The following SRGN variants were observed in gnomAD, a reference collection of about 807,000 sequenced individuals.
The protein encoded by SRGN is hematopoetic proteoglycan core peptide.
A neutral mutation model predicts 9.5 loss-of-function variants in SRGN; 2 were observed. The ratio of observed to expected loss-of-function variants is 0.21; its 90% CI spans 0.09 to 0.66. SRGN has a LOEUF of 0.66. Ranked by LOEUF, SRGN falls within the 30% of genes least tolerant of loss-of-function variation. The pLI, the probability that SRGN is intolerant of heterozygous loss-of-function variation, is 0.83. For missense variants in SRGN, 170 were observed against 192.4 expected (o/e 0.88, Z 0.69); for synonymous variants, 59 against 72.3 (o/e 0.82, Z 0.93).
At chr10:69,099,041 A>G (rs1484772308) in intron 2 of SRGN, among the ~76,000 whole-genome samples, 1 of 152,190 alleles carries the variant, frequency 6.6e-6, no homozygotes, top group Non-Finnish European at 1.5e-5. Flanking sequence ...TTTTGATCAC[A>G]TAAAACTTGC....
chr10:69,101,909 C>T (rs1019207466), intron 2 of SRGN, among the ~76,000 whole-genome samples: 3 of 152,014 alleles, frequency 2.0e-5, no homozygotes, highest in Admixed American at 6.6e-5. Flanking sequence ...ATTAGCCGGG[C>T]GTTGTGACTC....
intron 2 of SRGN, among the ~76,000 whole-genome samples, chr10:69,102,266 A>T (rs1362526734): frequency 2.0e-5 from 3 of 152,130 alleles, no homozygotes. Context: ...TTTAACTACC[A>T]AATCTGTGAT....
intron 2 of SRGN, 119 bp from the exon 3 acceptor site, chr10:69,103,752 C>G (rs1840335632): frequency 2.7e-6 from 3 of 1,120,358 alleles, no homozygotes; most frequent in Non-Finnish European, 3.7e-6. Context: ...TTTTAAATCT[C>G]TTAATTTGAG....
chr10:69,088,844 A>C (rs1839993116), intron 1 of SRGN, among the ~76,000 whole-genome samples: 1 of 152,218 alleles, frequency 6.6e-6, no homozygotes, highest in South Asian at 2.1e-4. Flanking sequence ...TCTTGCTCAG[A>C]GAAGCATCAT....
At chr10:69,101,629 A>T (rs577618376) in intron 2 of SRGN, among the ~76,000 whole-genome samples, 3 of 152,172 alleles carry the variant, frequency 2.0e-5, no homozygotes, top group African/African-American at 7.2e-5. Context: ...ACACCTCCTG[A>T]AAGGGCCACC....
At chr10:69,093,832 C>T (rs1283919463) in intron 1 of SRGN, among the ~76,000 whole-genome samples, 1 of 152,014 alleles carries the variant, frequency 6.6e-6, no homozygotes. Context: ...TGCCACAGCA[C>T]TCCAGCCTGG....
At chr10:69,096,702 G>A (rs1840182400) in intron 1 of SRGN, among the ~76,000 whole-genome samples, 1 of 152,170 alleles carries the variant, frequency 6.6e-6, no homozygotes, top group South Asian at 2.1e-4. Flanking sequence ...CGGGTGGGGT[G>A]CAGTTGCTCA....
chr10:69,103,729 A>G lies in SRGN; in HGVS notation c.228-142A>G, dbSNP rs1272196957. On this transcript the variant is annotated intron_variant, in intron 2 of 2. Coordinates refer to ENST00000242465, the MANE Select transcript of SRGN (RefSeq NM_002727.4). ...TTTTTTGTTGATTTTAAAACATTGA[A>G]TAATTGGGAAGCTTTTAAATCTCTT... is the stretch of plus-strand genomic sequence containing the variant. 3 of 934,014 alleles carry G rather than the reference A, an allele frequency of 3.2e-6. No individual in the cohort carries two copies. In the African/African-American group the frequency reaches 5.0e-5, roughly 16 times the overall value. The allele number at this position is 934,014 out of a possible 1,614,324, so 57.9% of individuals were successfully genotyped here.
At chr10:69,093,992 ATTG>A (rs1161034584) in intron 1 of SRGN, among the ~76,000 whole-genome samples, 1 of 152,230 alleles carries the variant, frequency 6.6e-6, no homozygotes, top group Non-Finnish European at 1.5e-5. Context: ...ATCATAGGTC[ATTG>A]TTGTCCTCCT....
At position 69,103,878 on chromosome 10, in the gene SRGN, A is replaced by G. The variant is rs1840339505; in HGVS notation, c.235A>G (p.Arg79Gly). 6.2e-7 allele frequency: 1 copy of G among 1,613,412 alleles called. No homozygotes were observed. The highest frequency in any genetic ancestry group is 1.3e-5 in the African/African-American group (1 of 74,912). The stretch of plus-strand genomic sequence containing the variant: ...TTTTCTTTCATACTTCAGAAAGACG[A>G]GAATCCAGGACTTGAATCGTATCTT... ...RLRTDLFPKTRIQDLNRIFPL... is the reference protein window; with the variant it reads ...RLRTDLFPKTGIQDLNRIFPL... The change falls in exon 3 of 3, where the codon AGA becomes GGA. Residue 79 changes from arginine to glycine, a missense_variant. Arg to Gly is a moderately radical substitution (Grantham distance 125, BLOSUM62 -2). Coordinates refer to ENST00000242465, the MANE Select transcript of SRGN (RefSeq NM_002727.4).
At position 69,103,896 on chromosome 10, in the gene SRGN, C is replaced by A; in HGVS notation, c.253C>A (p.Arg85Ser). ...FPKTRIQDLN[R>S]IFPLSEDYSG... ...AAAGACGAGAATCCAGGACTTGAAT[C>A]GTATCTTCCCACTTTCTGAGGACTA... Residue 85 changes from arginine (R) to serine (S), a missense_variant, in exon 3 of 3, where the codon CGT becomes AGT. Physicochemically the swap from Arg to Ser is moderately radical, Grantham distance 110. Transcript: ENST00000242465. 1 of 1,614,022 alleles carries A rather than the reference C, an allele frequency of 6.2e-7. No homozygotes were observed. The highest frequency in any genetic ancestry group is 8.5e-7 in the Non-Finnish European group (1 of 1,179,952).
At chr10:69,090,143 A>T (rs1840021303) in intron 1 of SRGN, among the ~76,000 whole-genome samples, 1 of 152,144 alleles carries the variant, frequency 6.6e-6, no homozygotes, top group Admixed American at 6.6e-5. Context: ...AGGGAAATAG[A>T]TGTCCCCCAC....
At position 69,091,773 on chromosome 10, in the gene SRGN, G is replaced by A. The variant is rs190540571; in HGVS notation, c.79+3537G>A. ...CATGCACCTGTAATCCCAGCTACTC[G>A]AGAGGCTGAGGCAGGAGAATCACTT... is the stretch of plus-strand genomic sequence containing the variant. On this transcript the variant is annotated intron_variant, in intron 1 of 2. Transcript: ENST00000242465. Among the ~76,000 whole-genome samples the A allele has an allele frequency of 4.8e-3, 723 of 149,874 alleles. 7 individuals are homozygous for A. The highest frequency in any genetic ancestry group is 0.017 in the African/African-American group (701 of 40,676).
At chr10:69,092,262 C>T (rs1319684083) in intron 1 of SRGN, among the ~76,000 whole-genome samples, 3 of 152,152 alleles carry the variant, frequency 2.0e-5, no homozygotes, top group African/African-American at 7.2e-5. Flanking sequence ...ACTCTCACAA[C>T]CTCAGGGGCT....
intron 2 of SRGN, among the ~76,000 whole-genome samples, chr10:69,099,169 TTAA>T (rs1840238717): frequency 1.3e-5 from 2 of 152,152 alleles, no homozygotes; most frequent in African/African-American, 4.8e-5. Context: ...AATATACATA[TTAA>T]GAAAAGGATT....
chr10:69,092,828 TA>T (rs1203832791), intron 1 of SRGN, among the ~76,000 whole-genome samples: 1 of 152,024 alleles, frequency 6.6e-6, no homozygotes, highest in East Asian at 1.9e-4. Flanking sequence ...CAATGTTTTT[TA>T]GTATATTCAC....
intron 1 of SRGN, among the ~76,000 whole-genome samples, chr10:69,094,283 T>C (rs960316232): frequency 1.3e-5 from 2 of 152,178 alleles, no homozygotes; most frequent in Non-Finnish European, 2.9e-5. Flanking sequence ...TTGTAAGCTA[T>C]ACTCAGGAAT....
chr10:69,100,348 T>A (rs1218840992), intron 2 of SRGN, among the ~76,000 whole-genome samples: 1 of 152,166 alleles, frequency 6.6e-6, no homozygotes, highest in Non-Finnish European at 1.5e-5. Context: ...AAGTGAGCCA[T>A]GGTGTGGCAC....
intron 2 of SRGN, among the ~76,000 whole-genome samples, chr10:69,101,903 G>T (rs532811802): frequency 2.0e-5 from 3 of 152,104 alleles, no homozygotes; most frequent in Admixed American, 2.0e-4. Context: ...AGAAAAATTA[G>T]CCGGGCGTTG....
Sources: gnomAD v4.1 joint callset for allele counts (sites outside exome capture counted in the v4.1 genomes callset) on GRCh38, gnomAD v4.1.1 for gene constraint, MANE v1.5 for transcripts, NCBI Gene and HGNC (gene_info 2026-07-23, HGNC 2026-07-21) for gene names.